SPIRE2: variants seen among roughly 807,000 people sequenced by gnomAD.
SPIRE2 encodes the protein spire type actin nucleation factor 2.
A neutral mutation model predicts 80.7 loss-of-function variants in SPIRE2; 76 were observed. The ratio of observed to expected loss-of-function variants is 0.94; its 90% CI spans 0.78 to 1.14. The LOEUF (loss-of-function observed/expected upper bound fraction) is 1.14, where lower values mean the gene tolerates loss of function less well. Among genes scored for constraint, SPIRE2 ranks in the 50% most tolerant of loss-of-function variants. The pLI is 0.00. For missense variants in SPIRE2, 1,196 were observed against 1,015.3 expected, an observed-to-expected ratio of 1.18 and a Z score of -2.42; for synonymous variants, 535 against 432.6, an observed-to-expected ratio of 1.24 and a Z score of -2.94.
chr16:89,852,606 C>A lies in SPIRE2; in HGVS notation c.646-1680C>A, dbSNP rs147133326. On this transcript the variant is annotated intron_variant, in intron 3 of 14. Coordinates refer to ENST00000378247, the MANE Select transcript of SPIRE2 (RefSeq NM_032451.2). ...CCTGGCCCATCTTCCATCCTCCCTC[C>A]ACCCCCCAGATCCCCTGGCCCGTCT... 0.092 allele frequency among the ~76,000 whole-genome samples: 879 copies of A among 9,546 alleles called. 285 individuals are homozygous for A. In the East Asian group the frequency reaches 0.99, roughly 11 times the overall value. 6.3% of individuals were successfully genotyped at this position (9,546 alleles called of 152,430 possible).
rs371048698 is a variant in SPIRE2 at position 89,869,686 on chromosome 16, C to A, written c.1922+4C>A. On this transcript the variant is annotated splice_donor_region_variant and intron_variant, in intron 14 of 14. Coordinates refer to ENST00000378247, the MANE Select transcript of SPIRE2 (RefSeq NM_032451.2). ...TCCAGAGAAGAGACATCTTTCAGTGCGTTCTTCGCCTTGCTGCTGATGTCA... is the reference window on the plus strand; with the variant it reads ...TCCAGAGAAGAGACATCTTTCAGTGAGTTCTTCGCCTTGCTGCTGATGTCA... 2 of 1,604,232 alleles carry A rather than the reference C, an allele frequency of 1.2e-6. No homozygotes were observed. The highest frequency in any genetic ancestry group is 1.7e-6 in the Non-Finnish European group (2 of 1,171,044).
chr16:89,861,892 C>T (rs1461517546), intron 10 of SPIRE2: 2 of 152,248 alleles, frequency 1.3e-5, no homozygotes, highest in South Asian at 2.1e-4. Context: ...CAGTGAAAGC[C>T]ACTGAGTATT....
At chr16:89,865,800 C>G (rs2041783904) in intron 12 of SPIRE2, among the ~76,000 whole-genome samples, 1 of 151,720 alleles carries the variant, frequency 6.6e-6, no homozygotes, top group African/African-American at 2.4e-5. Flanking sequence ...AACCCTGTCT[C>G]TACTAAAAAT....
intron 12 of SPIRE2, among the ~76,000 whole-genome samples, chr16:89,865,562 AAAAC>A (rs912299837): frequency 6.6e-6 from 1 of 152,230 alleles, no homozygotes; most frequent in African/African-American, 2.4e-5. Flanking sequence ...AAATGAGTCA[AAAAC>A]AAAACAAATA....
chr16:89,841,559 G>C lies in SPIRE2; in HGVS notation c.245-3763G>C, dbSNP rs970733234. 4.6e-5 allele frequency among the ~76,000 whole-genome samples: 7 copies of C among 152,224 alleles called. No individual in the cohort carries two copies. The South Asian group carries it at 1.0e-3, about 23-fold the overall frequency. ...TTGCTGTGGTCTGGCCATGCTCGGT[G>C]GCCCAGCTGCCCCATTTATTAGGGG... On this transcript the variant is annotated intron_variant, in intron 1 of 14. Coordinates refer to ENST00000378247, the MANE Select transcript of SPIRE2 (RefSeq NM_032451.2).
rs1338926139 is a variant in SPIRE2, at chr16:89,828,607, C to G, written c.57C>G (p.Pro19=). 1 of 1,281,388 alleles carries G rather than the reference C, an allele frequency of 7.8e-7. No homozygotes were observed. The highest frequency in any genetic ancestry group is 1.0e-6 in the Non-Finnish European group (1 of 1,003,454). The allele number at this position is 1,281,388 out of a possible 1,614,324, so 79.4% of individuals were successfully genotyped here. A position where few individuals can be genotyped will look rare whatever the true frequency, so the allele number is the denominator to read the frequency against. The stretch of plus-strand genomic sequence containing the variant: ...CGGCGGGCGCAGGGCGGCCGGAGCC[C>G]TGGGAGCTGTCCCTGGAGGAGGTGC... ...GAAAGAGRPE[P]WELSLEEVLK... is the part of the protein sequence containing the mutation. The change falls in exon 1 of 15, where the codon CCC becomes CCG. Residue 19 remains proline (P), a synonymous_variant. Coordinates refer to ENST00000378247, the MANE Select transcript of SPIRE2 (RefSeq NM_032451.2). The surrounding 1 kb of genome is among the most constrained non-coding windows in gnomAD (Gnocchi z 5.9).
intron 14 of SPIRE2, 90 bp downstream of exon 14, chr16:89,869,772 T>A: frequency 1.0e-6 from 1 of 1,002,532 alleles, no homozygotes; most frequent in Non-Finnish European, 1.6e-6. Flanking sequence ...TGGCTTTGTC[T>A]GTTTGCTAGG....
intron 7 of SPIRE2, among the ~76,000 whole-genome samples, chr16:89,856,852 G>A (rs952475649): frequency 2.8e-4 from 42 of 151,792 alleles, no homozygotes; most frequent in African/African-American, 9.9e-4. Flanking sequence ...CTTGAGCCCA[G>A]GAGATCGAGA....
In SPIRE2 at chr16:89,858,444, G is replaced by A. The variant is rs1223871282; in HGVS notation, c.1209G>A (p.Pro403=). ...ATGCTGGGGGCAGCGCCCAGCGCCCGCGGCCCCGCGTGCTGCTCAAGGCGC... is the reference window on the plus strand; with the variant it reads ...ATGCTGGGGGCAGCGCCCAGCGCCCACGGCCCCGCGTGCTGCTCAAGGCGC... ...VTDAGGSAQR[P]RPRVLLKAPT... Residue 403 remains proline, a synonymous_variant, in exon 8 of 15, where the codon CCG becomes CCA. Transcript: ENST00000378247. The A allele has an allele frequency of 1.5e-5, 24 of 1,611,298 alleles. No homozygotes were observed. The highest frequency in any genetic ancestry group is 2.7e-5 in the African/African-American group (2 of 74,922).
intron 1 of SPIRE2, 34 bp from the exon 2 acceptor site, chr16:89,845,288 C>G (rs1336818203): frequency 6.2e-7 from 1 of 1,610,910 alleles, no homozygotes; most frequent in Non-Finnish European, 8.5e-7. Context: ...CCCGGGGATG[C>G]TGACAAATAA....
intron 12 of SPIRE2, among the ~76,000 whole-genome samples, chr16:89,864,274 C>A (rs2041769836): frequency 6.6e-6 from 1 of 152,146 alleles, no homozygotes; most frequent in Admixed American, 6.5e-5. Context: ...GCTGAGAATC[C>A]AGGGAGACCA....
chr16:89,841,513 C>T (rs1417937369), intron 1 of SPIRE2, among the ~76,000 whole-genome samples: 1 of 152,098 alleles, frequency 6.6e-6, no homozygotes, highest in Non-Finnish European at 1.5e-5. Context: ...GCACTTATAC[C>T]TGGGTGTTCG....
intron 6 of SPIRE2, 56 bp from the exon 7 acceptor site, chr16:89,856,057 C>CGCTTCCCCACCGCAGGTCCT (rs373076513): frequency 6.3e-6 from 10 of 1,591,194 alleles, no homozygotes; most frequent in Non-Finnish European, 8.6e-6. Context: ...CCGCAGGTCC[C>CGCTTCCCCACCGCAGGTCCT]GCTTCCCCAC....
At chr16:89,838,160 C>G (rs1246935542) in intron 1 of SPIRE2, among the ~76,000 whole-genome samples, 1 of 142,760 alleles carries the variant, frequency 7.0e-6, no homozygotes, top group Non-Finnish European at 1.5e-5. Flanking sequence ...CCACCACGCT[C>G]AGCATTTTTT....
At chr16:89,858,296 C>T (rs781745233) in intron 7 of SPIRE2, 42 bp from the exon 8 acceptor site, 67 of 1,517,366 alleles carry the variant, frequency 4.4e-5, no homozygotes, top group Non-Finnish European at 5.8e-5. Flanking sequence ...CTGCTGTCTC[C>T]CCGTTCACTG....
intron 9 of SPIRE2, among the ~76,000 whole-genome samples, chr16:89,859,688 C>T (rs780158759): frequency 5.3e-5 from 8 of 152,254 alleles, no homozygotes; most frequent in African/African-American, 9.6e-5. Context: ...GGAAGGGAGC[C>T]GTGTGTCCGT....
chr16:89,845,279 C>A, intron 1 of SPIRE2, 43 bp from the exon 2 acceptor site: 1 of 1,599,334 alleles, frequency 6.3e-7, no homozygotes, highest in Non-Finnish European at 8.6e-7. Flanking sequence ...TATTGGGGTC[C>A]CGGGGATGCT....
intron 1 of SPIRE2, among the ~76,000 whole-genome samples, chr16:89,839,084 G>A (rs1294865783): frequency 1.3e-5 from 2 of 148,834 alleles, no homozygotes; most frequent in Non-Finnish European, 3.0e-5. Context: ...GCTCACGCCT[G>A]TAATCCCAGC....
Position 89,854,360 on chromosome 16 carries a change from A to G in SPIRE2, c.720A>G (p.Thr240=). The G allele has an allele frequency of 6.2e-7, 1 of 1,612,346 alleles. No homozygotes were observed. The highest frequency in any genetic ancestry group is 8.5e-7 in the Non-Finnish European group (1 of 1,179,778). ...PRAELDSLGH[T]DWARLWVQLM... ...CAGAGCTGGACAGCCTGGGTCACAC[A>G]GACTGGGTAAGGCTCACTCCCACCT... The change falls in exon 4 of 15, where the codon ACA becomes ACG. Residue 240 remains threonine (T), a synonymous_variant. Coordinates refer to ENST00000378247, the MANE Select transcript of SPIRE2 (RefSeq NM_032451.2).
Sources: gnomAD v4.1 joint callset for allele counts (sites outside exome capture counted in the v4.1 genomes callset) on GRCh38, gnomAD v4.1.1 for gene constraint, Gnocchi (gnomAD v3.1) non-coding constraint, MANE v1.5 for transcripts, NCBI Gene and HGNC (gene_info 2026-07-23, HGNC 2026-07-21) for gene names.